The following AQP7B variants were observed in gnomAD, a reference collection of about 807,000 sequenced individuals.
AQP7B encodes the protein aquaporin 7B, also known as putative aquaporin-7B.
At chr2:94,594,386 C>T in the AQP7B span, among the ~76,000 whole-genome samples, 3 of 152,238 alleles carry the variant, frequency 2.0e-5, no homozygotes, top group African/African-American at 4.8e-5. Context: ...CAACTGAGCT[C>T]TACTTTCCAG....
At chr2:94,595,638 G>A in the AQP7B span, among the ~76,000 whole-genome samples, 1 of 152,104 alleles carries the variant, frequency 6.6e-6, no homozygotes, top group Non-Finnish European at 1.5e-5. Context: ...GAGGGAACAA[G>A]TTAAGAGGCT....
At chr2:94,594,796 G>A in the AQP7B span, 4 of 1,572,922 alleles carry the variant, frequency 2.5e-6, no homozygotes, top group African/African-American at 5.4e-5. Context: ...AAAGATCCAG[G>A]AAATATGGTG....
chr2:94,601,265 A>G, the AQP7B span, among the ~76,000 whole-genome samples: 6 of 152,320 alleles, frequency 3.9e-5, no homozygotes, highest in Admixed American at 1.3e-4. Context: ...GTGCTTAACT[A>G]TCATTTGCAA....
chr2:94,592,262 A>G, the AQP7B span, among the ~76,000 whole-genome samples: 7 of 152,238 alleles, frequency 4.6e-5, no homozygotes, highest in African/African-American at 1.7e-4. Context: ...GGGCTCCTAA[A>G]TTCCCCTGAC....
the AQP7B span, among the ~76,000 whole-genome samples, chr2:94,596,336 C>T: frequency 2.0e-5 from 3 of 152,166 alleles, no homozygotes; most frequent in African/African-American, 7.2e-5. Flanking sequence ...ATGACTGTAG[C>T]CATGTTTATT....
chr2:94,601,331 T>C, the AQP7B span, among the ~76,000 whole-genome samples: 1 of 152,122 alleles, frequency 6.6e-6, no homozygotes, highest in Non-Finnish European at 1.5e-5. Context: ...GAGGAGCAGG[T>C]GTGCTGTGAG....
chr2:94,598,204 G>A, the AQP7B span, among the ~76,000 whole-genome samples: 1 of 152,206 alleles, frequency 6.6e-6, no homozygotes, highest in African/African-American at 2.4e-5. Flanking sequence ...GTGCCAAGAA[G>A]TGAGGGCTTT....
the AQP7B span, chr2:94,594,662 C>T: frequency 1.1e-6 from 1 of 943,134 alleles, no homozygotes; most frequent in Admixed American, 1.9e-5. Context: ...TACCTATTAA[C>T]TCAGCTGTGA....
chr2:94,589,131 C>T, the AQP7B span, among the ~76,000 whole-genome samples: 1 of 151,550 alleles, frequency 6.6e-6, no homozygotes, highest in Non-Finnish European at 1.5e-5. Context: ...TACAGGATTA[C>T]AGGCACACAC....
At chr2:94,593,102 G>A in the AQP7B span, among the ~76,000 whole-genome samples, 22 of 151,950 alleles carry the variant, frequency 1.4e-4, no homozygotes, top group African/African-American at 2.2e-4. Context: ...GATTACAGGC[G>A]TGAGCCACTG....
the AQP7B span, among the ~76,000 whole-genome samples, chr2:94,600,336 A>G: frequency 6.6e-6 from 1 of 152,324 alleles, no homozygotes; most frequent in Non-Finnish European, 1.5e-5. Flanking sequence ...AAATTTTTCT[A>G]GTATCCACAT....
chr2:94,603,252 C>A, the AQP7B span: 2 of 1,389,810 alleles, frequency 1.4e-6, no homozygotes, highest in Non-Finnish European at 2.0e-6. Flanking sequence ...CCTCAGTGTC[C>A]TGATTTGTAA....
the AQP7B span, among the ~76,000 whole-genome samples, chr2:94,590,223 C>T: frequency 6.6e-6 from 1 of 152,210 alleles, no homozygotes; most frequent in East Asian, 1.9e-4. Flanking sequence ...TGTTCTGTTG[C>T]CCATGCTGAA....
the AQP7B span, among the ~76,000 whole-genome samples, chr2:94,590,995 TAGTG>T: frequency 2.0e-5 from 3 of 151,362 alleles, no homozygotes; most frequent in Non-Finnish European, 4.4e-5. Flanking sequence ...AAACAGGCGT[TAGTG>T]AGTTGTTAGC....
At chr2:94,590,944 CAAAAAAAAAAA>C in the AQP7B span, among the ~76,000 whole-genome samples, 10 of 49,092 alleles carry the variant, frequency 2.0e-4, no homozygotes, top group South Asian at 7.8e-4. Context: ...GACCCTGTCT[CAAAAAAAAAAA>C]AAAAAAAAAA....
At chr2:94,604,472 A>C in the AQP7B span, 1 of 1,611,254 alleles carries the variant, frequency 6.2e-7, no homozygotes, top group African/African-American at 1.3e-5. Context: ...TCATGAACCC[A>C]TGATCTCTCC....
the AQP7B span, chr2:94,602,367 G>C: frequency 1.0e-6 from 1 of 974,734 alleles, no homozygotes; most frequent in Admixed American, 2.9e-5. Flanking sequence ...GCGTGGCAGA[G>C]GGTCTTCCAG....
the AQP7B span, among the ~76,000 whole-genome samples, chr2:94,589,526 GT>G: frequency 6.6e-6 from 1 of 151,958 alleles, no homozygotes. Context: ...TCCTTGCTCT[GT>G]TTTTTTCCAT....
the AQP7B span, among the ~76,000 whole-genome samples, chr2:94,599,879 T>G: frequency 6.6e-6 from 1 of 150,730 alleles, no homozygotes; most frequent in South Asian, 2.1e-4. Flanking sequence ...TTTTTTTTCT[T>G]TTTTTTTTCT....
Sources: allele counts gnomAD v4.1 joint callset (sites outside exome capture counted in the v4.1 genomes callset), GRCh38; gene constraint gnomAD v4.1.1; transcripts MANE v1.5; gene names NCBI Gene and HGNC (gene_info 2026-07-23, HGNC 2026-07-21).